Variants in RHBDD1 observed in about 807,000 individuals in gnomAD.
The protein encoded by RHBDD1 is rhomboid domain containing 1, also known as rhomboid-related protein 4.
RHBDD1 carries 38 observed loss-of-function variants against 36.3 expected under a neutral mutation model. The observed-to-expected ratio is 1.05, with a 90% confidence interval of 0.81 to 1.37. The LOEUF (loss-of-function observed/expected upper bound fraction) is 1.37, where lower values mean the gene tolerates loss of function less well. Ranked by LOEUF, RHBDD1 falls within the 40% of genes most tolerant of loss-of-function variation. RHBDD1 has a pLI of 0.00. For synonymous variants in RHBDD1, 151 were observed against 136.5 expected (o/e 1.11, Z -0.74); for missense variants, 393 against 377.6 (o/e 1.04, Z -0.34).
At chr2:226,979,400 A>G (rs1955208033) in intron 8 of RHBDD1, among the ~76,000 whole-genome samples, 1 of 152,126 alleles carries the variant, frequency 6.6e-6, no homozygotes, top group South Asian at 2.1e-4. Flanking sequence ...CCCCCATCTC[A>G]CCAATTGAAT....
At chr2:226,811,500 G>A in the RHBDD1 span, among the ~76,000 whole-genome samples, 1 of 152,186 alleles carries the variant, frequency 6.6e-6, no homozygotes, top group African/African-American at 2.4e-5. Flanking sequence ...ACTGGGTTTT[G>A]CCATGTTGGC....
intron 5 of RHBDD1, among the ~76,000 whole-genome samples, chr2:226,901,932 C>G (rs748294849): frequency 1.3e-5 from 2 of 152,148 alleles, no homozygotes; most frequent in Admixed American, 6.5e-5. Context: ...CACTCTTCCT[C>G]TCATCTGATA....
At chr2:226,899,598 A>G (rs1044220421) in intron 5 of RHBDD1, among the ~76,000 whole-genome samples, 70 of 152,332 alleles carry the variant, frequency 4.6e-4, no homozygotes, top group African/African-American at 1.6e-3. Flanking sequence ...TGGTATAAAG[A>G]CAGTATGTCC....
At chr2:226,822,823 C>G in the RHBDD1 span, among the ~76,000 whole-genome samples, 10 of 152,040 alleles carry the variant, frequency 6.6e-5, no homozygotes, top group African/African-American at 2.4e-4. Context: ...GAGTTTAGTG[C>G]CCTTCTAAAG....
chr2:226,868,983 A>G (rs1310529838), intron 5 of RHBDD1, among the ~76,000 whole-genome samples: 1 of 152,188 alleles, frequency 6.6e-6, no homozygotes, highest in African/African-American at 2.4e-5. Context: ...TGTGTCAATG[A>G]TAGGCTCTTG....
intron 5 of RHBDD1, among the ~76,000 whole-genome samples, chr2:226,891,578 C>T (rs1318612373): frequency 6.6e-6 from 1 of 152,184 alleles, no homozygotes; most frequent in East Asian, 1.9e-4. Flanking sequence ...GTTTCATTCT[C>T]AGAAGAGTTC....
At chr2:226,978,012 G>T (rs1954904764) in intron 8 of RHBDD1, among the ~76,000 whole-genome samples, 1 of 152,206 alleles carries the variant, frequency 6.6e-6, no homozygotes, top group South Asian at 2.1e-4. Context: ...ACTCATAGAA[G>T]TATGTTCCAT....
At chr2:226,871,809 G>A (rs995348555) in intron 5 of RHBDD1, among the ~76,000 whole-genome samples, 6 of 152,150 alleles carry the variant, frequency 3.9e-5, no homozygotes, top group African/African-American at 1.2e-4. Context: ...GTTGCATTAC[G>A]TCAGGAAGGA....
chr2:226,885,503 T>G (rs1946131162), intron 5 of RHBDD1, among the ~76,000 whole-genome samples: 1 of 152,116 alleles, frequency 6.6e-6, no homozygotes, highest in African/African-American at 2.4e-5. Context: ...TGTCAGAGAT[T>G]ATATTAGTAG....
chr2:226,938,211 T>C (rs1950459220), intron 8 of RHBDD1, among the ~76,000 whole-genome samples: 1 of 152,200 alleles, frequency 6.6e-6, no homozygotes, highest in Non-Finnish European at 1.5e-5. Context: ...GTTTTTTTCA[T>C]AGATTTTTCA....
intron 8 of RHBDD1, among the ~76,000 whole-genome samples, chr2:226,963,509 C>G (rs1434432578): frequency 1.3e-5 from 2 of 152,114 alleles, no homozygotes; most frequent in Non-Finnish European, 2.9e-5. Context: ...GCGGGTGACC[C>G]CAGTGTTCTG....
intron 3 of RHBDD1, among the ~76,000 whole-genome samples, chr2:226,850,892 A>T (rs910570148): frequency 1.1e-4 from 17 of 152,202 alleles, no homozygotes; most frequent in African/African-American, 4.1e-4. Flanking sequence ...AGAAAAGGAA[A>T]GCTGGGGTAG....
intron 5 of RHBDD1, among the ~76,000 whole-genome samples, chr2:226,896,722 A>G (rs767778815): frequency 5.3e-5 from 8 of 152,154 alleles, no homozygotes; most frequent in Non-Finnish European, 1.0e-4. Context: ...CATAAGGCAC[A>G]TGGCACACAG....
rs1192416323 is a variant in RHBDD1, at chr2:226,997,128, G to C, written c.*1606G>C. The stretch of plus-strand genomic sequence containing the variant: ...GCTAAGAAAACCACTGGAGCCTTGG[G>C]AGCTCTTTGGCCTCCTGGCTGGCCC... On this transcript the variant is annotated 3_prime_UTR_variant, in exon 9 of 9. Transcript: ENST00000392062. 3 of 152,172 alleles carry C rather than the reference G, an allele frequency of 2.0e-5. No homozygotes were observed. Among genetic ancestry groups the C allele is most frequent in the Admixed American group, 1.3e-4 (2 of 15,282 alleles). The allele number at this position is 152,172 out of a possible 1,614,324, so 9.4% of individuals were successfully genotyped here.
At chr2:226,952,676 A>G (rs1951510259) in intron 8 of RHBDD1, among the ~76,000 whole-genome samples, 1 of 152,196 alleles carries the variant, frequency 6.6e-6, no homozygotes, top group Non-Finnish European at 1.5e-5. Context: ...TTAAAAATAT[A>G]TAGAAAACCT....
chr2:226,946,662 C>T (rs567034685), intron 8 of RHBDD1, among the ~76,000 whole-genome samples: 2 of 152,218 alleles, frequency 1.3e-5, no homozygotes, highest in African/African-American at 2.4e-5. Context: ...GGGATATCAC[C>T]ACTGATCCCA....
At chr2:226,806,451 G>A in the RHBDD1 span, among the ~76,000 whole-genome samples, 3 of 152,208 alleles carry the variant, frequency 2.0e-5, no homozygotes, top group South Asian at 6.2e-4. Flanking sequence ...CCACTGATCG[G>A]CCTATCTCTA....
chr2:226,943,725 C>A (rs565269224), intron 8 of RHBDD1, among the ~76,000 whole-genome samples: 1 of 152,214 alleles, frequency 6.6e-6, no homozygotes, highest in Admixed American at 6.5e-5. Context: ...CTAGAGCATG[C>A]TTTTTGGAGA....
the RHBDD1 span, among the ~76,000 whole-genome samples, chr2:226,810,208 A>C: frequency 6.6e-6 from 1 of 152,152 alleles, no homozygotes; most frequent in Non-Finnish European, 1.5e-5. Flanking sequence ...TTGTATCTGC[A>C]TTATATACTG....
Sources: allele counts gnomAD v4.1 joint callset (sites outside exome capture counted in the v4.1 genomes callset), GRCh38; gene constraint gnomAD v4.1.1; transcripts MANE v1.5; gene names NCBI Gene and HGNC (gene_info 2026-07-23, HGNC 2026-07-21).